Variants in SUPT3H observed in about 807,000 individuals in gnomAD.
SUPT3H encodes transcription initiation protein SPT3 homolog.
In SUPT3H, 44 loss-of-function variants were observed where a neutral mutation model predicts 44.3. That is an observed-to-expected ratio of 0.99 (90% CI 0.78 to 1.28). SUPT3H has a LOEUF of 1.28. Ranked by LOEUF, SUPT3H falls within the 50% of genes most tolerant of loss-of-function variation. SUPT3H has a pLI of 0.00. For synonymous variants in SUPT3H, 124 were observed against 125.6 expected (o/e 0.99, Z 0.09); for missense variants, 380 against 387.1 (o/e 0.98, Z 0.15).
intron 10 of SUPT3H, among the ~76,000 whole-genome samples, chr6:44,920,106 C>T (rs1391252506): frequency 1.3e-5 from 2 of 152,114 alleles, no homozygotes; most frequent in Admixed American, 6.5e-5. Context: ...TCTCCATCTC[C>T]TGACCTCGTT....
At position 44,893,201 on chromosome 6, in the gene SUPT3H, G is replaced by A. The variant is rs909515181; in HGVS notation, c.912+39452C>T. On this transcript the variant is annotated intron_variant, in intron 10 of 10. Transcript: ENST00000371459. ...AGTTGCCTATTTATAATATATAAAG[G>A]CATTCTGGAAAAATAATAAAAATGT... is the stretch of plus-strand genomic sequence containing the variant. Among the ~76,000 whole-genome samples the A allele has an allele frequency of 4.6e-5, 7 of 152,114 alleles. 1 individual carries two copies. The East Asian group carries it at 1.4e-3, about 29-fold the overall frequency.
chr6:44,932,807 G>A (rs764890735), intron 9 of SUPT3H, 44 bp from the exon 10 acceptor site: 42 of 1,302,736 alleles, frequency 3.2e-5, no homozygotes, highest in Non-Finnish European at 3.9e-5. Context: ...TCAAAAACAC[G>A]CAACAGAACT....
intron 6 of SUPT3H, among the ~76,000 whole-genome samples, chr6:44,974,108 G>A (rs929407316): frequency 1.3e-5 from 2 of 152,116 alleles, no homozygotes; most frequent in African/African-American, 4.8e-5. Flanking sequence ...AATCTGAAAT[G>A]AGATCTGTCT....
At chr6:45,161,938 G>A (rs1291879530) in intron 2 of SUPT3H, among the ~76,000 whole-genome samples, 1 of 152,018 alleles carries the variant, frequency 6.6e-6, no homozygotes, top group Non-Finnish European at 1.5e-5. Flanking sequence ...ATCTTAGGCA[G>A]TGTCTTAAAT....
intron 3 of SUPT3H, among the ~76,000 whole-genome samples, chr6:45,047,041 G>A (rs182253831): frequency 6.2e-4 from 95 of 152,202 alleles, no homozygotes; most frequent in East Asian, 7.7e-4. Flanking sequence ...GAATTTTGTC[G>A]ATTAACATTG....
intron 1 of SUPT3H, among the ~76,000 whole-genome samples, chr6:45,372,970 G>A (rs779137391): frequency 2.6e-5 from 4 of 151,988 alleles, no homozygotes; most frequent in Non-Finnish European, 2.9e-5. Context: ...CAAGACACGC[G>A]GCTAATTTTT....
At chr6:44,881,646 C>A (rs1271317327) in intron 10 of SUPT3H, among the ~76,000 whole-genome samples, 1 of 152,202 alleles carries the variant, frequency 6.6e-6, no homozygotes, top group Non-Finnish European at 1.5e-5. Context: ...AAGTCAAACA[C>A]TCCTCAGCAA....
At chr6:45,336,976 AAC>A (rs1224061182) in intron 2 of SUPT3H, among the ~76,000 whole-genome samples, 4 of 151,726 alleles carry the variant, frequency 2.6e-5, no homozygotes, top group South Asian at 2.1e-4. Flanking sequence ...TTGCTGTGAA[AAC>A]AGTGTGATCT....
chr6:45,248,047 A>C (rs763696471), intron 2 of SUPT3H, among the ~76,000 whole-genome samples: 25 of 152,182 alleles, frequency 1.6e-4, no homozygotes, highest in Non-Finnish European at 3.1e-4. Flanking sequence ...ATATTGACCC[A>C]TACTTTACAA....
chr6:45,117,704 T>C (rs1476766481), intron 2 of SUPT3H, among the ~76,000 whole-genome samples: 1 of 152,038 alleles, frequency 6.6e-6, no homozygotes, highest in Non-Finnish European at 1.5e-5. Flanking sequence ...AATTAAAAAA[T>C]ATGGAAATAA....
At chr6:45,111,028 C>T (rs573279147) in intron 2 of SUPT3H, among the ~76,000 whole-genome samples, 311 of 139,276 alleles carry the variant, frequency 2.2e-3, no homozygotes, top group African/African-American at 7.4e-3. Context: ...ATAAAACAAA[C>T]GATACTTTTT....
At chr6:45,110,906 T>C (rs1259401128) in intron 2 of SUPT3H, among the ~76,000 whole-genome samples, 1 of 151,796 alleles carries the variant, frequency 6.6e-6, no homozygotes, top group African/African-American at 2.4e-5. Flanking sequence ...AGAAAGTATA[T>C]GTAATGTGTG....
chr6:45,026,596 AG>A (rs1368846609), intron 3 of SUPT3H, among the ~76,000 whole-genome samples: 1 of 152,186 alleles, frequency 6.6e-6, no homozygotes, highest in Non-Finnish European at 1.5e-5. Context: ...TATGACAGAT[AG>A]GAATACCTTG....
intron 2 of SUPT3H, among the ~76,000 whole-genome samples, chr6:45,324,995 A>G (rs1295916751): frequency 1.3e-5 from 2 of 151,906 alleles, no homozygotes; most frequent in Non-Finnish European, 2.9e-5. Context: ...TATAAGGCCA[A>G]ATAGATCCCG....
chr6:44,994,504 G>A (rs1378541146), intron 6 of SUPT3H, among the ~76,000 whole-genome samples: 3 of 152,074 alleles, frequency 2.0e-5, no homozygotes, highest in Non-Finnish European at 2.9e-5. Flanking sequence ...TAAAGTTCCA[G>A]AGATCCAGGG....
intron 2 of SUPT3H, among the ~76,000 whole-genome samples, chr6:45,142,736 C>CAAA (rs70993502): frequency 0.019 from 279 of 14,968 alleles, 77 homozygotes; most frequent in African/African-American, 0.04. Context: ...AACTCCGTCT[C>CAAA]AAAAAAAAAA....
At chr6:44,912,959 T>C (rs1272034774) in intron 10 of SUPT3H, among the ~76,000 whole-genome samples, 1 of 152,202 alleles carries the variant, frequency 6.6e-6, no homozygotes, top group African/African-American at 2.4e-5. Flanking sequence ...GATTCATTGA[T>C]TGGAAAATGC....
Position 44,945,762 on chromosome 6 carries a change from T to C in SUPT3H, c.801+7548A>G, listed in dbSNP as rs1220658557. ...ATCTCTATAATATAAAAGTGCAAGG[T>C]GAAGCAGCGAATGATGATGTAGAAG... On this transcript the variant is annotated intron_variant, in intron 9 of 10. Transcript: ENST00000371459. 2.0e-5 allele frequency among the ~76,000 whole-genome samples: 3 copies of C among 152,282 alleles called. No individual in the cohort carries two copies. In the East Asian group the frequency reaches 5.8e-4, roughly 29 times the overall value.
At chr6:45,304,559 G>A (rs1782694106) in intron 2 of SUPT3H, among the ~76,000 whole-genome samples, 1 of 152,064 alleles carries the variant, frequency 6.6e-6, no homozygotes, top group African/African-American at 2.4e-5. Flanking sequence ...TTATTTCAAA[G>A]CTATACAAAC....
Sources: gnomAD v4.1 joint callset for allele counts (sites outside exome capture counted in the v4.1 genomes callset) on GRCh38, gnomAD v4.1.1 for gene constraint, MANE v1.5 for transcripts, NCBI Gene and HGNC (gene_info 2026-07-23, HGNC 2026-07-21) for gene names.